MICU3: variants seen among roughly 807,000 people sequenced by gnomAD.
The protein encoded by MICU3 is calcium uptake protein 3, mitochondrial.
MICU3 carries 62 observed loss-of-function variants against 66.5 expected under a neutral mutation model. That is an observed-to-expected ratio of 0.93 (90% CI 0.76 to 1.15). MICU3 has a LOEUF of 1.15. MICU3 is among the 50% of genes most tolerant of loss of function. The probability of loss-of-function intolerance (pLI) is 0.00; values close to 1 mark genes in which losing one functional copy is unlikely to be tolerated. For synonymous variants in MICU3, 308 were observed against 240.7 expected, an observed-to-expected ratio of 1.28 and a Z score of -2.59; for missense variants, 779 against 664.4, an observed-to-expected ratio of 1.17 and a Z score of -1.90.
At position 17,077,937 on chromosome 8, in the gene MICU3, C is replaced by T. The variant is rs1479173362; in HGVS notation, c.646+76C>T. 4 of 871,428 alleles carry T rather than the reference C, an allele frequency of 4.6e-6. No individual in the cohort carries two copies. In the East Asian group the frequency reaches 1.2e-4, roughly 25 times the overall value. The allele number at this position is 871,428 out of a possible 1,614,324, so 54.0% of individuals were successfully genotyped here. ...ATTTATATATGCATATTTTCCCATA[C>T]CTAAAATAATTTTTAAATTACATCT... On this transcript the variant is annotated intron_variant, in intron 4 of 14. Coordinates refer to ENST00000318063, the MANE Select transcript of MICU3 (RefSeq NM_181723.3).
intron 1 of MICU3, among the ~76,000 whole-genome samples, chr8:17,031,288 T>TATTATTATTATTATC (rs1554502371): frequency 4.1e-5 from 6 of 148,006 alleles, no homozygotes; most frequent in African/African-American, 1.2e-4. Context: ...TTATTATTAT[T>TATTATTATTATTATC]ATTATTATTA....
chr8:17,105,665 C>G, intron 11 of MICU3, 81 bp downstream of exon 11: 1 of 729,760 alleles, frequency 1.4e-6, no homozygotes, highest in Non-Finnish European at 2.1e-6. Flanking sequence ...TTTGTTAGTT[C>G]TTTGGCTTCT....
chr8:17,031,183 A>T (rs1388706499), intron 1 of MICU3, among the ~76,000 whole-genome samples: 7 of 151,938 alleles, frequency 4.6e-5, no homozygotes, highest in African/African-American at 1.7e-4. Flanking sequence ...GCACCACTCC[A>T]TTCCAGCCTA....
intron 1 of MICU3, among the ~76,000 whole-genome samples, chr8:17,061,271 C>T (rs900703901): frequency 6.6e-6 from 1 of 152,090 alleles, no homozygotes; most frequent in Admixed American, 6.6e-5. Flanking sequence ...GAAGGTGGAT[C>T]ACATTCCCAG....
chr8:17,038,125 C>T (rs768700731), intron 1 of MICU3, among the ~76,000 whole-genome samples: 2 of 152,036 alleles, frequency 1.3e-5, no homozygotes, highest in Non-Finnish European at 2.9e-5. Context: ...TGAGTTAAGA[C>T]TTTGGGGGAC....
At chr8:17,118,384 T>C (rs1157950724) in intron 13 of MICU3, among the ~76,000 whole-genome samples, 2 of 152,126 alleles carry the variant, frequency 1.3e-5, no homozygotes, top group Admixed American at 6.5e-5. Flanking sequence ...TATTAACAAA[T>C]CTATCAGCTC....
intron 1 of MICU3, among the ~76,000 whole-genome samples, chr8:17,053,288 T>C (rs1816402993): frequency 6.6e-6 from 1 of 152,212 alleles, no homozygotes; most frequent in South Asian, 2.1e-4. Flanking sequence ...CGTAAGTTTC[T>C]CTAATTGTCA....
At chr8:17,102,267 C>A (rs1348822038) in intron 9 of MICU3, among the ~76,000 whole-genome samples, 1 of 151,794 alleles carries the variant, frequency 6.6e-6, no homozygotes, top group East Asian at 1.9e-4. Flanking sequence ...ATGGAGTAAC[C>A]TCTGAAATAT....
downstream of MICU3, among the ~76,000 whole-genome samples, chr8:17,125,131 A>ATAGCCTGTAATG (rs1180228375): frequency 2.6e-5 from 4 of 151,190 alleles, no homozygotes; most frequent in African/African-American, 9.9e-5. Flanking sequence ...TCCTATGAGT[A>ATAGCCTGTAATG]TAGCCTGTAA....
chr8:17,074,807 A>G (rs187279751), intron 3 of MICU3, among the ~76,000 whole-genome samples: 2 of 152,210 alleles, frequency 1.3e-5, no homozygotes, highest in Admixed American at 1.3e-4. Flanking sequence ...CTCTTTTAAA[A>G]GGCAACTATA....
chr8:17,118,999 G>T (rs1367098907), intron 14 of MICU3, among the ~76,000 whole-genome samples: 1 of 152,036 alleles, frequency 6.6e-6, no homozygotes, highest in Non-Finnish European at 1.5e-5. Flanking sequence ...TTATAATATA[G>T]GATAATTAGC....
At chr8:17,073,136 A>G (rs1563332293) in intron 3 of MICU3, among the ~76,000 whole-genome samples, 1 of 152,152 alleles carries the variant, frequency 6.6e-6, no homozygotes, top group Non-Finnish European at 1.5e-5. Context: ...GAAATTTGGC[A>G]ATACCTAATA....
chr8:17,053,353 T>C, intron 1 of MICU3, among the ~76,000 whole-genome samples: 1 of 152,206 alleles, frequency 6.6e-6, no homozygotes. Context: ...AAACTAGACC[T>C]TAACACAGAG....
chr8:17,131,118 C>G, the MICU3 span: 6 of 152,240 alleles, frequency 3.9e-5, no homozygotes, highest in East Asian at 9.7e-4. Context: ...ACCATTTAAA[C>G]AAGGAAATTT....
At chr8:17,080,152 G>T (rs545466743) in intron 4 of MICU3, among the ~76,000 whole-genome samples, 2 of 151,828 alleles carry the variant, frequency 1.3e-5, no homozygotes, top group South Asian at 4.2e-4. Flanking sequence ...TATTCTGTTT[G>T]TATAATTGGA....
At chr8:17,072,101 A>G (rs1340385161) in intron 3 of MICU3, among the ~76,000 whole-genome samples, 5 of 151,924 alleles carry the variant, frequency 3.3e-5, no homozygotes, top group East Asian at 1.9e-4. Context: ...GGAAAGAGGG[A>G]AAAAAAACCA....
chr8:17,118,675 A>G, intron 13 of MICU3, 32 bp from the exon 14 acceptor site: 1 of 1,425,374 alleles, frequency 7.0e-7, no homozygotes, highest in Non-Finnish European at 9.9e-7. Context: ...GTCTTTCTGT[A>G]CATTTGCACA....
At chr8:17,134,691 G>A in the MICU3 span, among the ~76,000 whole-genome samples, 29 of 152,072 alleles carry the variant, frequency 1.9e-4, 1 homozygote, top group Admixed American at 3.9e-4. Flanking sequence ...TGATCCGCCC[G>A]CCTTGGCCTC....
At chr8:17,083,227 C>T (rs1186665707) in intron 5 of MICU3, among the ~76,000 whole-genome samples, 1 of 152,042 alleles carries the variant, frequency 6.6e-6, no homozygotes, top group Non-Finnish European at 1.5e-5. Flanking sequence ...CAGTTTATCG[C>T]TCTGTGTAGT....
Sources: gnomAD v4.1 joint callset for allele counts (sites outside exome capture counted in the v4.1 genomes callset) on GRCh38, gnomAD v4.1.1 for gene constraint, MANE v1.5 for transcripts, NCBI Gene and HGNC (gene_info 2026-07-23, HGNC 2026-07-21) for gene names.